Variants in CDK7 observed in about 807,000 individuals in gnomAD.
CDK7 encodes cyclin-dependent kinase 7.
In CDK7, 25 loss-of-function variants were observed where a neutral mutation model predicts 49.1. The observed-to-expected ratio is 0.51, with a 90% CI of 0.37 to 0.71. CDK7 has a LOEUF of 0.71. Among genes scored for constraint, CDK7 ranks in the 30% least tolerant of loss-of-function variants. The pLI is 0.00. For missense variants in CDK7, 316 were observed against 411.7 expected, an observed-to-expected ratio of 0.77 and a Z score of 2.01; for synonymous variants, 107 against 140.0, an observed-to-expected ratio of 0.76 and a Z score of 1.67.
At chr5:69,243,865 C>T (rs1299950558) in intron 2 of CDK7, among the ~76,000 whole-genome samples, 1 of 124,852 alleles carries the variant, frequency 8.0e-6, no homozygotes, top group Non-Finnish European at 1.6e-5. Flanking sequence ...TGGAGTCTCG[C>T]ACTGTTGCCT....
intron 2 of CDK7, among the ~76,000 whole-genome samples, chr5:69,249,602 C>T (rs1185957181): frequency 6.6e-6 from 1 of 151,990 alleles, no homozygotes; most frequent in Non-Finnish European, 1.5e-5. Flanking sequence ...AATCCCAGCA[C>T]TTTGGGAGGC....
At chr5:69,236,788 A>G (rs1193566890) in intron 2 of CDK7, among the ~76,000 whole-genome samples, 2 of 151,580 alleles carry the variant, frequency 1.3e-5, no homozygotes, top group Non-Finnish European at 2.9e-5. Context: ...AGTAGCTGGG[A>G]CTACAGGAAC....
chr5:69,240,062 C>G (rs1181651468), intron 2 of CDK7, among the ~76,000 whole-genome samples: 1 of 152,032 alleles, frequency 6.6e-6, no homozygotes, highest in East Asian at 1.9e-4. Flanking sequence ...ATAGTCTGTC[C>G]TTTTCCCAAT....
intron 2 of CDK7, among the ~76,000 whole-genome samples, chr5:69,241,533 C>T (rs1256294416): frequency 6.6e-6 from 1 of 151,866 alleles, no homozygotes; most frequent in East Asian, 1.9e-4. Context: ...ACCTTGTTGG[C>T]CAGGCTGGTC....
At chr5:69,242,786 C>T (rs1051590157) in intron 2 of CDK7, among the ~76,000 whole-genome samples, 1 of 152,192 alleles carries the variant, frequency 6.6e-6, no homozygotes, top group Non-Finnish European at 1.5e-5. Flanking sequence ...TGGCTCATGT[C>T]TGTAATCCCA....
intron 9 of CDK7, among the ~76,000 whole-genome samples, chr5:69,269,974 G>A (rs1751420454): frequency 6.7e-6 from 1 of 148,478 alleles, no homozygotes; most frequent in Admixed American, 6.8e-5. Context: ...GCTCACGCCT[G>A]TAATCCCAGC....
intron 8 of CDK7, 43 bp from the exon 9 acceptor site, chr5:69,269,158 TAAAAAA>T (rs59967147): frequency 2.0e-5 from 21 of 1,047,094 alleles, no homozygotes; most frequent in South Asian, 1.4e-4. Context: ...AGAAAAAAAT[TAAAAAA>T]AAAAAACCCA....
chr5:69,234,962 CT>C lies in CDK7; in HGVS notation c.-11del, dbSNP rs1475051253. On this transcript the variant is annotated 5_prime_UTR_variant, in exon 1 of 12. Transcript: ENST00000256443. ...CTCGCCCTTTTCGGCTGGAGTCGGGCTTTACGGCGCCGGATGGCTCTGGACG... is the reference window on the plus strand; with the variant it reads ...CTCGCCCTTTTCGGCTGGAGTCGGGCTTACGGCGCCGGATGGCTCTGGACG... The C allele has an allele frequency of 6.3e-7, 1 of 1,587,354 alleles. No homozygotes were observed. Among genetic ancestry groups the C allele is most frequent in the Non-Finnish European group, 8.6e-7 (1 of 1,167,080 alleles).
At chr5:69,252,397 G>T (rs765820441) in intron 2 of CDK7, 21 bp from the exon 3 acceptor site, 10 of 1,473,326 alleles carry the variant, frequency 6.8e-6, no homozygotes, top group Non-Finnish European at 8.4e-6. Context: ...ATATATTTGG[G>T]TTTTTTTCCG....
intron 2 of CDK7, among the ~76,000 whole-genome samples, chr5:69,237,447 T>C (rs936827053): frequency 6.6e-6 from 1 of 152,176 alleles, no homozygotes; most frequent in Non-Finnish European, 1.5e-5. Context: ...TCATCCAGGC[T>C]TCACTCAAAT....
At chr5:69,252,491 CTCCTTTTT>C in intron 3 of CDK7, 40 bp downstream of exon 3, 1 of 355,028 alleles carries the variant, frequency 2.8e-6, no homozygotes. Flanking sequence ...GAAAAGTTTT[CTCCTTTTT>C]TTTTTTTTTT....
chr5:69,235,128 A>G (rs1580250751), intron 1 of CDK7, 87 bp downstream of exon 1: 2 of 1,311,146 alleles, frequency 1.5e-6, no homozygotes, highest in South Asian at 1.3e-5. Context: ...TGGAGGCCAG[A>G]GGTCTGGCTT....
chr5:69,239,395 C>T (rs576921574), intron 2 of CDK7, among the ~76,000 whole-genome samples: 2 of 152,172 alleles, frequency 1.3e-5, no homozygotes, highest in Non-Finnish European at 2.9e-5. Flanking sequence ...TGTTGGATTA[C>T]GTACTTTTTT....
intron 2 of CDK7, among the ~76,000 whole-genome samples, chr5:69,236,774 C>T (rs1749005979): frequency 6.6e-6 from 1 of 151,744 alleles, no homozygotes; most frequent in African/African-American, 2.4e-5. Flanking sequence ...GTCTCAGCCT[C>T]TCCAGTAGCT....
rs761217315 is a variant in CDK7 at position 69,252,471 on chromosome 5, TGACA to T, written c.160+23_160+26del. On this transcript the variant is annotated intron_variant, in intron 3 of 11. Transcript: ENST00000256443. ...AAGATGGTAAGTATTTCATGTAATC[TGACA>T]GATAGGAAAAGTTTTCTCCTTTTTT... 3.7e-5 allele frequency: 47 copies of T among 1,268,838 alleles called. No homozygotes were observed. The highest frequency in any genetic ancestry group is 2.4e-4 in the Admixed American group (10 of 42,504). 78.6% of individuals were successfully genotyped at this position (1,268,838 alleles called of 1,614,324 possible).
chr5:69,255,406 T>A, intron 4 of CDK7, 54 bp from the exon 5 acceptor site: 1 of 1,024,822 alleles, frequency 9.8e-7, no homozygotes. Flanking sequence ...TCAGTTGCTA[T>A]GATACTGTCA....
At chr5:69,251,161 G>C (rs1326550911) in intron 2 of CDK7, among the ~76,000 whole-genome samples, 2 of 149,090 alleles carry the variant, frequency 1.3e-5, no homozygotes, top group African/African-American at 2.5e-5. Flanking sequence ...GCAGTGGCAC[G>C]ATCTCGGCTC....
At chr5:69,244,636 CAAAAAA>C (rs35194899) in intron 2 of CDK7, among the ~76,000 whole-genome samples, 1 of 94,894 alleles carries the variant, frequency 1.1e-5, no homozygotes. Context: ...AACTCCGTCT[CAAAAAA>C]AAAAAAAAAA....
intron 2 of CDK7, among the ~76,000 whole-genome samples, chr5:69,248,519 G>A (rs1321004709): frequency 1.3e-5 from 2 of 151,876 alleles, no homozygotes; most frequent in Non-Finnish European, 2.9e-5. Flanking sequence ...TTCCCAAGTA[G>A]CTGGGATTAT....
Sources: allele counts gnomAD v4.1 joint callset (sites outside exome capture counted in the v4.1 genomes callset), GRCh38; gene constraint gnomAD v4.1.1; transcripts MANE v1.5; gene names NCBI Gene and HGNC (gene_info 2026-07-23, HGNC 2026-07-21).